MFN2: variants seen among roughly 807,000 people sequenced by gnomAD.
The protein encoded by MFN2 is mitofusin-2.
A neutral mutation model predicts 87.5 loss-of-function variants in MFN2; 43 were observed. That is an observed-to-expected ratio of 0.49 (90% confidence interval 0.38 to 0.63). MFN2 has a LOEUF of 0.63. MFN2 is among the 30% of genes least tolerant of loss of function. MFN2 has a pLI of 0.00. For synonymous variants in MFN2, 337 were observed against 359.9 expected, an observed-to-expected ratio of 0.94 and a Z score of 0.72; for missense variants, 743 against 972.8, an observed-to-expected ratio of 0.76 and a Z score of 3.14.
At chr1:12,011,383 TGGA>T in intron 18 of MFN2, 110 bp from the exon 19 acceptor site, 1 of 1,087,110 alleles carries the variant, frequency 9.2e-7, no homozygotes, top group Non-Finnish European at 1.4e-6. Flanking sequence ...ACACGATTGT[TGGA>T]GGATGATGTA....
At position 11,995,398 on chromosome 1, in the gene MFN2, T is replaced by C. The variant is rs147910385; in HGVS notation, c.312-758T>C. Among the ~76,000 whole-genome samples, 413 of 152,202 alleles carry C rather than the reference T, an allele frequency of 2.7e-3. 8 individuals are homozygous for C. In the East Asian group the frequency reaches 0.043, roughly 16 times the overall value. On this transcript the variant is annotated intron_variant, in intron 4 of 18. Transcript: ENST00000235329. ...CTGTAATCCCAGCACTTTGGGAGGT[T>C]GAAGCAGGCAAATCACCTGAGGTCA...
intron 8 of MFN2, among the ~76,000 whole-genome samples, chr1:12,000,335 A>G (rs1164154681): frequency 4.6e-5 from 7 of 151,780 alleles, no homozygotes; most frequent in Non-Finnish European, 1.0e-4. Flanking sequence ...GATTACAGGC[A>G]CCCGCCACCA....
At chr1:12,006,812 T>C (rs927885430) in intron 16 of MFN2, 119 bp downstream of exon 16, 35 of 1,450,960 alleles carry the variant, frequency 2.4e-5, no homozygotes, top group Non-Finnish European at 3.2e-5. Flanking sequence ...CTGCATACTT[T>C]CTCCTCTGTG....
At position 12,011,506 on chromosome 1, in the gene MFN2, G is replaced by A. The variant is rs1402367279; in HGVS notation, c.2215G>A (p.Gly739Ser). The part of the protein sequence containing the change: ...SKAKLLRNKA[G>S]WLDSELNMFT... The stretch of plus-strand genomic sequence containing the variant: ...ACCATTTCTTTGCAGGAATAAAGCC[G>A]GTTGGTTGGACAGTGAGCTCAACAT... The change falls in exon 19 of 19, where the codon GGT becomes AGT. Residue 739 changes from glycine to serine, a missense_variant. This residue lies in a region of MFN2 where 571 missense variants were observed against 670.7 expected (regional missense o/e 0.85). Coordinates refer to ENST00000235329, the MANE Select transcript of MFN2 (RefSeq NM_014874.4). 1.1e-5 allele frequency: 18 copies of A among 1,614,060 alleles called. No homozygotes were observed. Among genetic ancestry groups the A allele is most frequent in the Admixed American group, 1.7e-5 (1 of 60,000 alleles).
intron 2 of MFN2, among the ~76,000 whole-genome samples, chr1:11,986,313 A>G (rs935673866): frequency 9.2e-5 from 14 of 152,122 alleles, no homozygotes; most frequent in African/African-American, 2.2e-4. Flanking sequence ...CTCATTTCCA[A>G]TCTAGAGAGA....
intron 17 of MFN2, 120 bp from the exon 18 acceptor site, chr1:12,009,472 G>A: frequency 7.0e-7 from 1 of 1,426,742 alleles, no homozygotes; most frequent in Non-Finnish European, 9.9e-7. Flanking sequence ...GCCTGGCTCA[G>A]GGCAGAGCTG....
intron 14 of MFN2, 117 bp from the exon 15 acceptor site, chr1:12,005,594 A>C (rs563653507): frequency 9.1e-7 from 1 of 1,104,004 alleles, no homozygotes; most frequent in Non-Finnish European, 1.4e-6. Flanking sequence ...TGTGGTTCCC[A>C]GGCAAAGCTG....
Position 12,007,246 on chromosome 1 carries a change from A to T in MFN2, c.2066A>T (p.Gln689Leu). The T allele has an allele frequency of 6.2e-7, 1 of 1,613,920 alleles. No homozygotes were observed. Among genetic ancestry groups the T allele is most frequent in the South Asian group, 1.1e-5 (1 of 91,068 alleles). Residue 689 changes from glutamine to leucine, a missense_variant, in exon 17 of 19, where the codon CAG becomes CTG. Transcript: ENST00000235329. ...YTGSNCSHQVQQELSGTFAHL... is the reference protein window; with the variant it reads ...YTGSNCSHQVLQELSGTFAHL... ...GGCTCCAACTGCAGCCACCAAGTCC[A>T]GCAGTGAGTGGCCCTGTCGGACCCC...
At chr1:11,988,173 G>C (rs1307239981) in intron 2 of MFN2, among the ~76,000 whole-genome samples, 1 of 151,650 alleles carries the variant, frequency 6.6e-6, no homozygotes, top group Non-Finnish European at 1.5e-5. Context: ...TGCGATCTCG[G>C]CTCACTGCAA....
At chr1:12,000,239 C>G (rs1290234594) in intron 8 of MFN2, among the ~76,000 whole-genome samples, 1 of 152,040 alleles carries the variant, frequency 6.6e-6, no homozygotes, top group African/African-American at 2.4e-5. Context: ...GTCACCCAGG[C>G]TGGAGTGCAG....
chr1:11,982,275 G>A (rs569617737), intron 2 of MFN2, among the ~76,000 whole-genome samples, 161 bp downstream of exon 2: 24 of 152,198 alleles, frequency 1.6e-4, no homozygotes, highest in South Asian at 1.0e-3. Flanking sequence ...TTTTACTTCC[G>A]TGAAGGATTT....
At chr1:12,010,557 C>T (rs1639649255) in intron 18 of MFN2, among the ~76,000 whole-genome samples, 1 of 152,018 alleles carries the variant, frequency 6.6e-6, no homozygotes, top group South Asian at 2.1e-4. Flanking sequence ...GGTTACTTGG[C>T]TGGGGACTGG....
At position 11,989,310 on chromosome 1, in the gene MFN2, G is replaced by A. The variant is rs766706650; in HGVS notation, c.142G>A (p.Ala48Thr). 6.2e-7 allele frequency: 1 copy of A among 1,613,942 alleles called. No individual in the cohort carries two copies. The highest frequency in any genetic ancestry group is 1.3e-5 in the African/African-American group (1 of 74,888). ...CAATGGCATTTTTGAGCAGCTGGGG[G>A]CCTACATCCAGGAGAGCGCCACCTT... ...KINGIFEQLG[A>T]YIQESATFLE... is the part of the protein sequence containing the mutation. The change falls in exon 3 of 19, where the codon GCC (alanine) becomes ACC (threonine). Residue 48 changes from alanine to threonine, a missense_variant. By Grantham distance (58) the Ala-to-Thr change is moderately conservative (BLOSUM62 0). This residue lies in a region of MFN2 where 141 missense variants were observed against 278.9 expected (regional missense o/e 0.51). Coordinates refer to ENST00000235329, the MANE Select transcript of MFN2 (RefSeq NM_014874.4).
intron 18 of MFN2, 144 bp downstream of exon 18, chr1:12,009,870 T>C: frequency 4.0e-6 from 5 of 1,250,020 alleles, no homozygotes; most frequent in South Asian, 3.8e-5. Flanking sequence ...ATGTGTACCA[T>C]GGGCTGGGCA....
At chr1:11,985,683 G>C (rs1189639622) in intron 2 of MFN2, among the ~76,000 whole-genome samples, 1 of 151,994 alleles carries the variant, frequency 6.6e-6, no homozygotes, top group Non-Finnish European at 1.5e-5. Flanking sequence ...GGCTAGACTG[G>C]TCTTGAACTC....
chr1:11,995,042 G>T (rs1254100526), intron 4 of MFN2, among the ~76,000 whole-genome samples: 1 of 152,072 alleles, frequency 6.6e-6, no homozygotes, highest in South Asian at 2.1e-4. Context: ...AGGAGTTTGA[G>T]ACCAGCCTGA....
intron 2 of MFN2, among the ~76,000 whole-genome samples, chr1:11,982,916 A>G (rs1646011481): frequency 6.6e-6 from 1 of 152,142 alleles, no homozygotes; most frequent in African/African-American, 2.4e-5. Flanking sequence ...GGGTTTTTTC[A>G]TTGATTATAT....
At chr1:11,993,865 G>A (rs115759901) in intron 4 of MFN2, among the ~76,000 whole-genome samples, 3,917 of 152,146 alleles carry the variant, frequency 0.026, 147 homozygotes, top group African/African-American at 0.082. Context: ...TAGGTTGCCT[G>A]AAACATTTTA....
chr1:11,996,341 C>A, intron 5 of MFN2, 23 bp downstream of exon 5: 1 of 1,613,708 alleles, frequency 6.2e-7, no homozygotes, highest in South Asian at 1.1e-5. Flanking sequence ...GGCTGGCTGT[C>A]AGCCCTGTGC....
Sources: allele counts gnomAD v4.1 joint callset (sites outside exome capture counted in the v4.1 genomes callset), GRCh38; gene constraint gnomAD v4.1.1; regional missense constraint gnomAD v4.1.1; transcripts MANE v1.5; gene names NCBI Gene and HGNC (gene_info 2026-07-23, HGNC 2026-07-21).